Variants in HEPHL1 observed in about 807,000 individuals in gnomAD.
HEPHL1 encodes ferroxidase HEPHL1.
In HEPHL1, 123 loss-of-function variants were observed where a neutral mutation model predicts 122.0. That is an observed-to-expected ratio of 1.01 (90% CI 0.87 to 1.17). HEPHL1 has a LOEUF of 1.17. Ranked by LOEUF, HEPHL1 falls within the 50% of genes most tolerant of loss-of-function variation. The pLI, the probability that HEPHL1 is intolerant of heterozygous loss-of-function variation, is 0.00. For missense variants in HEPHL1, 1,452 were observed against 1,430.5 expected, an observed-to-expected ratio of 1.01 and a Z score of -0.24; for synonymous variants, 527 against 508.9, an observed-to-expected ratio of 1.04 and a Z score of -0.48.
chr11:94,061,704 G>A (rs963087481), intron 2 of HEPHL1, among the ~76,000 whole-genome samples: 2 of 152,066 alleles, frequency 1.3e-5, no homozygotes, highest in Non-Finnish European at 2.9e-5. Context: ...ATACTATTGA[G>A]TATTATATTC....
intron 4 of HEPHL1, among the ~76,000 whole-genome samples, chr11:94,067,057 G>A (rs1339002300): frequency 6.6e-6 from 1 of 152,168 alleles, no homozygotes; most frequent in South Asian, 2.1e-4. Flanking sequence ...CTATGTGCCA[G>A]TTTTTCTGCT....
chr11:94,065,628 G>A (rs965087050), intron 4 of HEPHL1, among the ~76,000 whole-genome samples: 1 of 152,128 alleles, frequency 6.6e-6, no homozygotes, highest in African/African-American at 2.4e-5. Context: ...AGAAGGAAAG[G>A]GGAAGGCAGG....
In HEPHL1 at chr11:94,086,148, C is replaced by T. The variant is rs367653808; in HGVS notation, c.2039C>T (p.Pro680Leu). ...CACCGAGACTCCCTGGCCCTGTTTC[C>T]CCACATGGCCACAACAGCATTCATG... ...GTHRDSLALF[P>L]HMATTAFMQP... Residue 680 changes from proline (P) to leucine (L), a missense_variant, in exon 11 of 20, where the codon CCC becomes CTC. Transcript: ENST00000315765. 1.9e-6 allele frequency: 3 copies of T among 1,612,698 alleles called. No homozygotes were observed. Among genetic ancestry groups the T allele is most frequent in the African/African-American group, 2.7e-5 (2 of 74,790 alleles).
At chr11:94,024,207 G>A (rs547266274) in intron 1 of HEPHL1, among the ~76,000 whole-genome samples, 1 of 152,274 alleles carries the variant, frequency 6.6e-6, no homozygotes, top group South Asian at 2.1e-4. Context: ...CACCATGAAT[G>A]GAAAGAACCT....
At chr11:94,098,717 T>C (rs542037991) in intron 13 of HEPHL1, among the ~76,000 whole-genome samples, 39 of 152,372 alleles carry the variant, frequency 2.6e-4, no homozygotes, top group Non-Finnish European at 1.0e-4. Context: ...CGTTTCTTTT[T>C]ACTCTTTTTT....
intron 2 of HEPHL1, among the ~76,000 whole-genome samples, chr11:94,049,746 A>T (rs987156766): frequency 3.9e-5 from 6 of 152,148 alleles, no homozygotes; most frequent in Admixed American, 6.5e-5. Flanking sequence ...GTGAAATTCT[A>T]GTAAGTTTTG....
At chr11:94,048,085 A>AT (rs2134417247) in intron 2 of HEPHL1, among the ~76,000 whole-genome samples, 1 of 152,206 alleles carries the variant, frequency 6.6e-6, no homozygotes, top group Admixed American at 6.5e-5. Context: ...ATGTCTATGA[A>AT]TGTGCCTTTT....
intron 9 of HEPHL1, among the ~76,000 whole-genome samples, chr11:94,078,013 T>C (rs575204562): frequency 6.6e-6 from 1 of 152,346 alleles, no homozygotes; most frequent in African/African-American, 2.4e-5. Context: ...ATTTATTTGC[T>C]TATGTGTATA....
intron 6 of HEPHL1, 96 bp from the exon 7 acceptor site, chr11:94,072,929 C>A: frequency 8.8e-7 from 1 of 1,137,084 alleles, no homozygotes; most frequent in Non-Finnish European, 1.3e-6. Context: ...CATGGGTGGG[C>A]GAGTGGACTA....
intron 1 of HEPHL1, among the ~76,000 whole-genome samples, chr11:94,045,042 A>G (rs1047062955): frequency 6.6e-6 from 1 of 152,120 alleles, no homozygotes; most frequent in Non-Finnish European, 1.5e-5. Flanking sequence ...GGTAGCTAGG[A>G]CTACAGGCGG....
intron 1 of HEPHL1, among the ~76,000 whole-genome samples, chr11:94,030,513 G>A (rs974726456): frequency 9.9e-5 from 15 of 152,052 alleles, no homozygotes; most frequent in South Asian, 2.1e-4. Context: ...CCTCTTCCTC[G>A]TTATCTCAAG....
In HEPHL1 at chr11:94,044,650, G is replaced by C. The variant is rs149489030; in HGVS notation, c.171-1023G>C. On this transcript the variant is annotated intron_variant, in intron 1 of 19. Coordinates refer to ENST00000315765, the MANE Select transcript of HEPHL1 (RefSeq NM_001098672.2). ...ACTGCTTCCTCCTCACTGTACATCA[G>C]TTGTCCCACTTAGTGTCCTCACTTT... is the stretch of plus-strand genomic sequence containing the variant. Among the ~76,000 whole-genome samples the C allele has an allele frequency of 1.9e-3, 286 of 151,946 alleles. 4 individuals carry two copies. The highest frequency in any genetic ancestry group is 6.8e-3 in the Middle Eastern group (2 of 292).
intron 1 of HEPHL1, among the ~76,000 whole-genome samples, chr11:94,036,931 T>A (rs1244132326): frequency 6.8e-6 from 1 of 146,658 alleles, no homozygotes; most frequent in Non-Finnish European, 1.5e-5. Context: ...AGAAGACGGG[T>A]GATTTCTGCA....
intron 2 of HEPHL1, among the ~76,000 whole-genome samples, chr11:94,059,447 C>G (rs912690496): frequency 5.9e-5 from 9 of 152,142 alleles, no homozygotes; most frequent in Admixed American, 4.6e-4. Context: ...AAATTTTACT[C>G]TCTGCCATTT....
intron 1 of HEPHL1, among the ~76,000 whole-genome samples, chr11:94,022,396 A>G (rs1289519167): frequency 2.0e-5 from 3 of 152,224 alleles, no homozygotes; most frequent in African/African-American, 7.2e-5. Flanking sequence ...CTTTTCTGAC[A>G]GGCAGAACCA....
intron 2 of HEPHL1, among the ~76,000 whole-genome samples, chr11:94,048,436 T>G (rs1945860013): frequency 6.6e-6 from 1 of 152,146 alleles, no homozygotes; most frequent in Non-Finnish European, 1.5e-5. Context: ...CATGGTTCAT[T>G]GCAGCCTTGA....
chr11:94,032,021 G>C (rs1156454363), intron 1 of HEPHL1, among the ~76,000 whole-genome samples: 1 of 152,124 alleles, frequency 6.6e-6, no homozygotes, highest in East Asian at 1.9e-4. Flanking sequence ...GTTAGTATTC[G>C]AGCATAACCT....
chr11:94,110,369 C>A (rs1438994480), intron 17 of HEPHL1, among the ~76,000 whole-genome samples: 1 of 152,158 alleles, frequency 6.6e-6, no homozygotes, highest in Non-Finnish European at 1.5e-5. Flanking sequence ...TCGACTGGAG[C>A]TGCAGTTTTC....
intron 13 of HEPHL1, among the ~76,000 whole-genome samples, chr11:94,096,749 G>C (rs557413408): frequency 6.6e-6 from 1 of 152,178 alleles, no homozygotes; most frequent in Non-Finnish European, 1.5e-5. Flanking sequence ...AGTCTTGGGA[G>C]GGTGTATGTG....
Sources: allele counts gnomAD v4.1 joint callset (sites outside exome capture counted in the v4.1 genomes callset), GRCh38; gene constraint gnomAD v4.1.1; transcripts MANE v1.5; gene names NCBI Gene and HGNC (gene_info 2026-07-23, HGNC 2026-07-21).